The following CACNA1E variants were observed in gnomAD, a reference collection of about 807,000 sequenced individuals.
The protein encoded by CACNA1E is voltage-dependent R-type calcium channel subunit alpha-1E.
Under a neutral mutation model 259.2 loss-of-function variants are expected in CACNA1E, and 40 were observed. That is an observed-to-expected ratio of 0.15 (90% confidence interval 0.12 to 0.20). The LOEUF (loss-of-function observed/expected upper bound fraction) is 0.20, where lower values mean the gene tolerates loss of function less well. Ranked by LOEUF, CACNA1E falls within the 10% of genes least tolerant of loss-of-function variation. CACNA1E has a pLI of 1.00. For synonymous variants in CACNA1E, 1,104 were observed against 1,138.5 expected (o/e 0.97, Z 0.61); for missense variants, 1,874 against 3,040.1 (o/e 0.62, Z 9.02).
intron 3 of CACNA1E, among the ~76,000 whole-genome samples, chr1:181,550,843 TGA>T (rs1165777347): frequency 6.6e-6 from 1 of 152,140 alleles, no homozygotes; most frequent in East Asian, 1.9e-4. Context: ...CAGTTTGTAC[TGA>T]GAGGGAGGGG....
intron 1 of CACNA1E, among the ~76,000 whole-genome samples, chr1:181,347,727 T>C (rs1162082537): frequency 1.3e-5 from 2 of 152,172 alleles, no homozygotes; most frequent in Non-Finnish European, 2.9e-5. Context: ...CCATTGTGGG[T>C]GATGGAATTG....
intron 1 of CACNA1E, among the ~76,000 whole-genome samples, chr1:181,363,688 G>A (rs982675123): frequency 6.6e-6 from 1 of 152,174 alleles, no homozygotes; most frequent in Non-Finnish European, 1.5e-5. Flanking sequence ...TGGCTATATA[G>A]GTTGCTGCAG....
At chr1:181,423,099 G>A (rs553499811) in intron 2 of CACNA1E, among the ~76,000 whole-genome samples, 2 of 152,036 alleles carry the variant, frequency 1.3e-5, no homozygotes, top group South Asian at 4.1e-4. Context: ...AACATCTATC[G>A]CATGTGCCTT....
At chr1:181,452,964 C>T (rs1661254094) in intron 2 of CACNA1E, among the ~76,000 whole-genome samples, 1 of 152,214 alleles carries the variant, frequency 6.6e-6, no homozygotes, top group Non-Finnish European at 1.5e-5. Flanking sequence ...CTTTCCCAGA[C>T]ATGCATTGTT....
At chr1:181,575,288 T>C (rs757391879) in intron 3 of CACNA1E, among the ~76,000 whole-genome samples, 11 of 152,166 alleles carry the variant, frequency 7.2e-5, no homozygotes, top group Admixed American at 6.5e-4. Flanking sequence ...GAGCAGGTAG[T>C]TTCAGCCAAA....
At chr1:181,695,776 G>T (rs552397327) in intron 7 of CACNA1E, among the ~76,000 whole-genome samples, 1 of 152,126 alleles carries the variant, frequency 6.6e-6, no homozygotes, top group East Asian at 1.9e-4. Flanking sequence ...CCAACATGGC[G>T]AAACCCCATC....
chr1:181,363,148 G>A (rs938395666), intron 1 of CACNA1E, among the ~76,000 whole-genome samples: 30 of 152,258 alleles, frequency 2.0e-4, no homozygotes, highest in African/African-American at 6.7e-4. Flanking sequence ...GCCTAGTCTG[G>A]TGCTGAAGGT....
At chr1:181,719,630 G>A in intron 12 of CACNA1E, 121 bp from the exon 13 acceptor site, 2 of 544,244 alleles carry the variant, frequency 3.7e-6, no homozygotes, top group Non-Finnish European at 6.7e-6. Context: ...GGGCTGGTGG[G>A]AGAGGAGAGT....
rs555274454 is a variant in CACNA1E, at chr1:181,643,977, G to C, written c.952-7361G>C. 2.6e-5 allele frequency among the ~76,000 whole-genome samples: 4 copies of C among 152,246 alleles called. No individual in the cohort carries two copies. In the East Asian group the frequency reaches 5.8e-4, roughly 22 times the overall value. On this transcript the variant is annotated intron_variant, in intron 6 of 47. Coordinates refer to ENST00000367573, the MANE Select transcript of CACNA1E (RefSeq NM_001205293.3). ...TCAGGGCTCCAAGTTACAGTGAAAC[G>C]CCCTGCTCCTGGGCCTGACAGGCTC...
At chr1:181,627,157 T>A (rs1401964231) in intron 6 of CACNA1E, among the ~76,000 whole-genome samples, 1 of 152,236 alleles carries the variant, frequency 6.6e-6, no homozygotes, top group Non-Finnish European at 1.5e-5. Flanking sequence ...AGGAAGAATT[T>A]CAAAATTCAG....
rs1662508512 is a variant in CACNA1E, at chr1:181,804,743, C to CA, written c.*5911dup. On this transcript the variant is annotated 3_prime_UTR_variant, in exon 48 of 48. Coordinates refer to ENST00000367573, the MANE Select transcript of CACNA1E (RefSeq NM_001205293.3). ...TTTAAAGCACTTAGTCTCCACAAAG[C>CA]AATTTAGAAAAATCTTCACTTGTTA... 6.6e-6 allele frequency: 1 copy of CA among 152,026 alleles called. No individual in the cohort carries two copies. The highest frequency in any genetic ancestry group is 1.5e-5 in the Non-Finnish European group (1 of 67,998). The allele number at this position is 152,026 out of a possible 1,614,324, so 9.4% of individuals were successfully genotyped here. A position where few individuals can be genotyped will look rare whatever the true frequency, so the allele number is the denominator to read the frequency against.
chr1:181,728,268 T>C (rs1014112937), intron 18 of CACNA1E, among the ~76,000 whole-genome samples: 3 of 152,160 alleles, frequency 2.0e-5, no homozygotes, highest in African/African-American at 4.8e-5. Context: ...TTTAGAGAGA[T>C]GTGAGTTGGG....
intron 3 of CACNA1E, among the ~76,000 whole-genome samples, chr1:181,534,297 A>G (rs1668002255): frequency 6.6e-6 from 1 of 152,162 alleles, no homozygotes; most frequent in African/African-American, 2.4e-5. Flanking sequence ...AGAAGATTAA[A>G]CATTGACATT....
chr1:181,470,829 C>T (rs1662457113), intron 2 of CACNA1E, among the ~76,000 whole-genome samples: 1 of 152,196 alleles, frequency 6.6e-6, no homozygotes, highest in African/African-American at 2.4e-5. Context: ...ACGCTAGGCC[C>T]TTGAAACTCT....
intron 44 of CACNA1E, 125 bp from the exon 45 acceptor site, chr1:181,793,540 G>A: frequency 1.0e-6 from 1 of 994,190 alleles, no homozygotes; most frequent in Non-Finnish European, 1.5e-6. Flanking sequence ...ACATACAACT[G>A]AGACCTTAAA....
intron 2 of CACNA1E, among the ~76,000 whole-genome samples, chr1:181,417,617 T>C (rs1011817860): frequency 6.6e-6 from 1 of 152,208 alleles, no homozygotes; most frequent in African/African-American, 2.4e-5. Context: ...CCACCTCCAG[T>C]TGGCCCTTAG....
At chr1:181,642,514 T>G (rs115176390) in intron 6 of CACNA1E, among the ~76,000 whole-genome samples, 1,758 of 152,272 alleles carry the variant, frequency 0.012, 34 homozygotes, top group African/African-American at 0.04. Flanking sequence ...AGAGGATATA[T>G]GAAGCCTCCT....
chr1:181,785,886 C>T, intron 43 of CACNA1E, 67 bp downstream of exon 43: 2 of 1,011,392 alleles, frequency 2.0e-6, no homozygotes, highest in East Asian at 4.8e-5. Flanking sequence ...TTGTGCAGAC[C>T]CCAAAACTCA....
intron 2 of CACNA1E, among the ~76,000 whole-genome samples, chr1:181,469,895 A>C (rs1662381975): frequency 6.6e-6 from 1 of 152,144 alleles, no homozygotes; most frequent in African/African-American, 2.4e-5. Context: ...TCCCTGGAAC[A>C]TATTTAGCTG....
Sources: gnomAD v4.1 joint callset for allele counts (sites outside exome capture counted in the v4.1 genomes callset) on GRCh38, gnomAD v4.1.1 for gene constraint, MANE v1.5 for transcripts, NCBI Gene and HGNC (gene_info 2026-07-23, HGNC 2026-07-21) for gene names.